Variants in NRG3 observed in about 807,000 individuals in gnomAD.
The protein encoded by NRG3 is pro-neuregulin-3, membrane-bound isoform.
A neutral mutation model predicts 66.9 loss-of-function variants in NRG3; 31 were observed. The observed-to-expected ratio is 0.46, with a 90% confidence interval of 0.35 to 0.63. The LOEUF (loss-of-function observed/expected upper bound fraction) is 0.63, where lower values mean the gene tolerates loss of function less well. Among genes scored for constraint, NRG3 ranks in the 20% least tolerant of loss-of-function variants. The probability of loss-of-function intolerance (pLI) is 0.00; values close to 1 mark genes in which losing one functional copy is unlikely to be tolerated. For missense variants in NRG3, 910 were observed against 878.9 expected, an observed-to-expected ratio of 1.04 and a Z score of -0.45; for synonymous variants, 393 against 359.4, an observed-to-expected ratio of 1.09 and a Z score of -1.06.
At chr10:82,285,241 A>C (rs1021199502) in intron 1 of NRG3, among the ~76,000 whole-genome samples, 2 of 152,170 alleles carry the variant, frequency 1.3e-5, no homozygotes, top group Admixed American at 1.3e-4. Flanking sequence ...CACAGTTACT[A>C]AAAGAGCACC....
chr10:82,577,094 G>C (rs868554485), intron 2 of NRG3, among the ~76,000 whole-genome samples: 2 of 151,758 alleles, frequency 1.3e-5, no homozygotes, highest in Non-Finnish European at 2.9e-5. Flanking sequence ...ACTAAATGCT[G>C]CATTCTTAGA....
chr10:82,155,477 A>T (rs1410299116), intron 1 of NRG3, among the ~76,000 whole-genome samples: 1 of 151,842 alleles, frequency 6.6e-6, no homozygotes, highest in Non-Finnish European at 1.5e-5. Context: ...AAAGAGACAT[A>T]AGGAAACACC....
At chr10:82,714,179 A>G (rs1304060549) in intron 2 of NRG3, among the ~76,000 whole-genome samples, 1 of 152,228 alleles carries the variant, frequency 6.6e-6, no homozygotes, top group Non-Finnish European at 1.5e-5. Context: ...ATATGCTGTG[A>G]CTAAATCTAC....
intron 4 of NRG3, among the ~76,000 whole-genome samples, chr10:82,906,581 T>G (rs555273806): frequency 1.1e-4 from 17 of 152,320 alleles, no homozygotes; most frequent in African/African-American, 4.1e-4. Context: ...ATTTCTATAT[T>G]GCCAGATAGA....
At chr10:82,296,158 C>A (rs1183869425) in intron 1 of NRG3, among the ~76,000 whole-genome samples, 1 of 152,030 alleles carries the variant, frequency 6.6e-6, no homozygotes, top group Admixed American at 6.6e-5. Context: ...GTGAAGCAGT[C>A]GTGTGTTTGA....
chr10:81,999,763 A>G (rs2061090385), intron 1 of NRG3, among the ~76,000 whole-genome samples: 2 of 152,206 alleles, frequency 1.3e-5, no homozygotes, highest in Admixed American at 1.3e-4. Context: ...TTAACAAATG[A>G]GACTTCATTT....
chr10:82,803,531 A>ATAAT (rs1399704618), intron 3 of NRG3, among the ~76,000 whole-genome samples: 1 of 152,186 alleles, frequency 6.6e-6, no homozygotes, highest in Admixed American at 6.5e-5. Context: ...CTTGTGATGT[A>ATAAT]TAATTTTTCA....
At chr10:82,260,106 G>T (rs914318663) in intron 1 of NRG3, among the ~76,000 whole-genome samples, 1 of 152,168 alleles carries the variant, frequency 6.6e-6, no homozygotes, top group Admixed American at 6.5e-5. Context: ...GACAGGGTTG[G>T]TTCATAAATG....
intron 1 of NRG3, among the ~76,000 whole-genome samples, chr10:82,323,214 G>T (rs995168783): frequency 6.6e-6 from 1 of 152,044 alleles, no homozygotes; most frequent in Non-Finnish European, 1.5e-5. Context: ...CCAAACATGT[G>T]TACACAATTG....
At chr10:82,347,075 G>A (rs370990571) in intron 1 of NRG3, among the ~76,000 whole-genome samples, 1 of 149,480 alleles carries the variant, frequency 6.7e-6, no homozygotes. Context: ...CTTCAGTTCT[G>A]CTCTGATTTT....
chr10:82,356,377 A>G (rs956351284), intron 1 of NRG3, among the ~76,000 whole-genome samples: 4 of 152,148 alleles, frequency 2.6e-5, no homozygotes, highest in Non-Finnish European at 4.4e-5. Context: ...GGAAAAGTTA[A>G]CTAACTGATC....
intron 2 of NRG3, among the ~76,000 whole-genome samples, chr10:82,628,160 C>T (rs542178137): frequency 6.6e-6 from 1 of 152,264 alleles, no homozygotes; most frequent in Non-Finnish European, 1.5e-5. Flanking sequence ...ATATGTTTTA[C>T]ATATTTTCAT....
At chr10:82,162,867 C>T (rs1330174367) in intron 1 of NRG3, among the ~76,000 whole-genome samples, 2 of 152,142 alleles carry the variant, frequency 1.3e-5, no homozygotes, top group Non-Finnish European at 2.9e-5. Flanking sequence ...CTGTCTAGTC[C>T]TTTAGCTAAA....
chr10:82,475,503 A>T (rs2132092765), intron 2 of NRG3, among the ~76,000 whole-genome samples: 1 of 152,274 alleles, frequency 6.6e-6, no homozygotes, highest in South Asian at 2.1e-4. Context: ...AGATGGCTTC[A>T]TGGGTGAATA....
intron 2 of NRG3, among the ~76,000 whole-genome samples, chr10:82,479,793 C>A (rs1564970770): frequency 6.6e-6 from 1 of 151,916 alleles, no homozygotes; most frequent in African/African-American, 2.4e-5. Flanking sequence ...TGGTAAAACT[C>A]CGTCTCTACT....
intron 2 of NRG3, among the ~76,000 whole-genome samples, chr10:82,645,391 T>A (rs1328315424): frequency 6.6e-6 from 1 of 152,186 alleles, no homozygotes; most frequent in Non-Finnish European, 1.5e-5. Flanking sequence ...GTCACTGTCT[T>A]GGCCTAATCA....
At chr10:82,459,848 C>G (rs1378150332) in intron 2 of NRG3, among the ~76,000 whole-genome samples, 1 of 152,150 alleles carries the variant, frequency 6.6e-6, no homozygotes, top group African/African-American at 2.4e-5. Flanking sequence ...TGGTTCCAGT[C>G]AGAATATTTT....
At chr10:82,420,716 G>A (rs548740825) in intron 2 of NRG3, among the ~76,000 whole-genome samples, 1 of 152,126 alleles carries the variant, frequency 6.6e-6, no homozygotes, top group African/African-American at 2.4e-5. Flanking sequence ...GTATAAACCT[G>A]CTTAATAATT....
chr10:82,231,154 C>G (rs1012472491), intron 1 of NRG3, among the ~76,000 whole-genome samples: 1 of 152,034 alleles, frequency 6.6e-6, no homozygotes, highest in African/African-American at 2.4e-5. Context: ...ACCAGCCTGG[C>G]CAATATGGTG....
Sources: gnomAD v4.1 joint callset for allele counts (sites outside exome capture counted in the v4.1 genomes callset) on GRCh38, gnomAD v4.1.1 for gene constraint, MANE v1.5 for transcripts, NCBI Gene and HGNC (gene_info 2026-07-23, HGNC 2026-07-21) for gene names.